THOP1: variants seen among roughly 807,000 people sequenced by gnomAD.
THOP1 encodes thimet oligopeptidase.
In THOP1, 49 loss-of-function variants were observed where a neutral mutation model predicts 71.8. The ratio of observed to expected loss-of-function variants is 0.68; its 90% CI spans 0.54 to 0.87. The LOEUF (loss-of-function observed/expected upper bound fraction) is 0.87, where lower values mean the gene tolerates loss of function less well. Ranked by LOEUF, THOP1 falls within the 40% of genes least tolerant of loss-of-function variation. The probability of loss-of-function intolerance (pLI) is 0.00; values close to 1 mark genes in which losing one functional copy is unlikely to be tolerated. For synonymous variants in THOP1, 426 were observed against 421.5 expected, an observed-to-expected ratio of 1.01 and a Z score of -0.13; for missense variants, 843 against 975.6, an observed-to-expected ratio of 0.86 and a Z score of 1.81.
chr19:2,793,430 GC>G (rs1915932047), intron 2 of THOP1, among the ~76,000 whole-genome samples: 1 of 152,196 alleles, frequency 6.6e-6, no homozygotes, highest in Non-Finnish European at 1.5e-5. Context: ...AGTGGCTCAT[GC>G]CTGTAATCCC....
intron 1 of THOP1, among the ~76,000 whole-genome samples, chr19:2,788,087 G>A (rs995186701): frequency 6.6e-6 from 1 of 152,230 alleles, no homozygotes; most frequent in African/African-American, 2.4e-5. Flanking sequence ...AGCATGGTCT[G>A]TAATAACAGC....
In THOP1 at chr19:2,805,758, G is replaced by A. The variant is rs910967245; in HGVS notation, c.750+582G>A. The stretch of plus-strand genomic sequence containing the variant: ...ACGACACCAAGTTGGTGCTTGTGCG[G>A]CTGGCAAAAGGGGGATACACGCTGA... On this transcript the variant is annotated intron_variant, in intron 6 of 12. Coordinates refer to ENST00000307741, the MANE Select transcript of THOP1 (RefSeq NM_003249.5). The surrounding 1 kb of genome is among the most constrained non-coding windows in gnomAD (Gnocchi z 6.6). Among the ~76,000 whole-genome samples the A allele has an allele frequency of 3.9e-5, 6 of 152,170 alleles. No individual in the cohort carries two copies. Among genetic ancestry groups the A allele is most frequent in the African/African-American group, 1.4e-4 (6 of 41,442 alleles).
chr19:2,793,706 C>T (rs1425448329), intron 2 of THOP1, among the ~76,000 whole-genome samples: 1 of 152,146 alleles, frequency 6.6e-6, no homozygotes, highest in Non-Finnish European at 1.5e-5. Context: ...AAACAAATGG[C>T]ATCACACACT....
intron 5 of THOP1, among the ~76,000 whole-genome samples, chr19:2,800,445 G>T (rs1916119351): frequency 6.6e-6 from 1 of 152,240 alleles, no homozygotes; most frequent in Non-Finnish European, 1.5e-5. Context: ...ACCTCCCAAA[G>T]TTCTGGGATT....
chr19:2,794,702 A>G (rs1319253523), intron 2 of THOP1, 62 bp from the exon 3 acceptor site: 34 of 1,565,178 alleles, frequency 2.2e-5, no homozygotes, highest in Non-Finnish European at 2.1e-5. Context: ...GGTCCGGGCA[A>G]CACCTGCCAG....
Position 2,810,623 on chromosome 19 carries a change from C to G in THOP1, c.1643-17C>G. Reference sequence around the variant, plus strand: ...GGGCAGGTGCAGAGGCCAGCTCTCTCCTTCCCTCCCGCCCAGGCCTCTTCA... The same window carrying G: ...GGGCAGGTGCAGAGGCCAGCTCTCTGCTTCCCTCCCGCCCAGGCCTCTTCA... On this transcript the variant is annotated splice_polypyrimidine_tract_variant and intron_variant, in intron 10 of 12. Coordinates refer to ENST00000307741, the MANE Select transcript of THOP1 (RefSeq NM_003249.5). 1 of 1,547,970 alleles carries G rather than the reference C, an allele frequency of 6.5e-7. No homozygotes were observed. Among genetic ancestry groups the G allele is most frequent in the Non-Finnish European group, 8.7e-7 (1 of 1,146,050 alleles).
In THOP1 at chr19:2,801,493, C is replaced by G. The variant is rs762711035; in HGVS notation, c.589+1702C>G. Among the ~76,000 whole-genome samples, 1 of 152,272 alleles carries G rather than the reference C, an allele frequency of 6.6e-6. No homozygotes were observed. Among genetic ancestry groups the G allele is most frequent in the Middle Eastern group, 3.4e-3 (1 of 294 alleles). On this transcript the variant is annotated intron_variant, in intron 5 of 12. Transcript: ENST00000307741. The surrounding 1 kb of genome is among the most constrained non-coding windows in gnomAD (Gnocchi z 5.1). Reference sequence around the variant, plus strand: ...GTGACACCGTCATGCGGGTGGCTAGCGTGTTGGGTGACAGTCTCCAGGGCT... The same window carrying G: ...GTGACACCGTCATGCGGGTGGCTAGGGTGTTGGGTGACAGTCTCCAGGGCT...
chr19:2,812,032 T>C, intron 12 of THOP1: 1 of 1,062,468 alleles, frequency 9.4e-7, no homozygotes, highest in Non-Finnish European at 1.3e-6. Flanking sequence ...TGCAGGAAGC[T>C]CCACACTGGC....
intron 1 of THOP1, chr19:2,789,894 A>G (rs1301036408): frequency 6.3e-6 from 1 of 159,364 alleles, no homozygotes; most frequent in Non-Finnish European, 1.4e-5. Context: ...CTGGGATTAC[A>G]GGCATGCGTG....
In THOP1 at chr19:2,811,725, G is replaced by C; in HGVS notation, c.1899G>C (p.Leu633=). The C allele has an allele frequency of 1.2e-6, 2 of 1,610,182 alleles. No homozygotes were observed. The highest frequency in any genetic ancestry group is 2.2e-5 in the South Asian group (2 of 91,058). ...FHTRFKQEGV[L]NSKVGMDYRS... is the part of the protein sequence containing the mutation. ...CGCGCTTCAAGCAGGAGGGTGTCCT[G>C]AACAGCAAGGTACGCGGGGACTGGG... Residue 633 remains leucine (L), a synonymous_variant, in exon 12 of 13, where the codon CTG becomes CTC. Coordinates refer to ENST00000307741, the MANE Select transcript of THOP1 (RefSeq NM_003249.5).
chr19:2,807,208 C>A (rs543182816), intron 7 of THOP1, among the ~76,000 whole-genome samples, 156 bp downstream of exon 7: 3 of 152,310 alleles, frequency 2.0e-5, no homozygotes, highest in African/African-American at 7.2e-5. Context: ...CCCCGAGGGA[C>A]CCTTACAGAA....
rs1916263606 is a variant in THOP1, at chr19:2,805,281, C to T, written c.750+105C>T. The T allele has an allele frequency of 1.5e-6, 2 of 1,326,216 alleles. No individual in the cohort carries two copies. Among genetic ancestry groups the T allele is most frequent in the Non-Finnish European group, 1.0e-6 (1 of 988,310 alleles). 82.2% of individuals were successfully genotyped at this position (1,326,216 alleles called of 1,614,324 possible). On this transcript the variant is annotated intron_variant, in intron 6 of 12. Transcript: ENST00000307741. The surrounding 1 kb of genome is among the most constrained non-coding windows in gnomAD (Gnocchi z 6.6). ...CCTCCAGGCTTTGCACTTGGATGGC[C>T]TCCCAATCTCCCTGGCCAGGCCCAG...
At chr19:2,811,854 G>T (rs1599534385) in intron 12 of THOP1, 120 bp downstream of exon 12, 1 of 1,318,992 alleles carries the variant, frequency 7.6e-7, no homozygotes, top group Non-Finnish European at 9.8e-7. Context: ...AGGGCGTCCT[G>T]AACGGCAAGG....
At chr19:2,795,039 G>A in intron 3 of THOP1, 127 bp downstream of exon 3, 2 of 1,146,030 alleles carry the variant, frequency 1.7e-6, no homozygotes, top group Non-Finnish European at 2.4e-6. Context: ...GGTCAGGCTA[G>A]TCTCGAACTC....
At chr19:2,788,909 C>G (rs1414622235) in intron 1 of THOP1, among the ~76,000 whole-genome samples, 1 of 151,108 alleles carries the variant, frequency 6.6e-6, no homozygotes, top group East Asian at 2.0e-4. Flanking sequence ...TACAAGCCCG[C>G]ACCACCACAC....
chr19:2,789,436 A>T (rs1314100965), intron 1 of THOP1, among the ~76,000 whole-genome samples: 1 of 152,066 alleles, frequency 6.6e-6, no homozygotes, highest in East Asian at 1.9e-4. Flanking sequence ...TTTCTCAGAG[A>T]GGCCCTGGTG....
At chr19:2,810,115 C>G in intron 9 of THOP1, 189 bp from the exon 10 acceptor site, 1 of 695,688 alleles carries the variant, frequency 1.4e-6, no homozygotes. Flanking sequence ...CCTGCTGCCA[C>G]CGGCAGCCAG....
At chr19:2,806,784 C>T (rs1916301731) in intron 6 of THOP1, 133 bp from the exon 7 acceptor site, 5 of 1,491,524 alleles carry the variant, frequency 3.4e-6, no homozygotes, top group Admixed American at 2.2e-5. Flanking sequence ...TGTAGTAACA[C>T]AGGCCGAGAG....
intron 2 of THOP1, among the ~76,000 whole-genome samples, chr19:2,792,622 T>A (rs759069): frequency 0.44 from 67,060 of 151,608 alleles, 15,572 homozygotes; most frequent in East Asian, 0.63. Context: ...TGCTTTTTTT[T>A]AAAAAAAATT....
Sources: allele counts gnomAD v4.1 joint callset (sites outside exome capture counted in the v4.1 genomes callset), GRCh38; gene constraint gnomAD v4.1.1; non-coding constraint Gnocchi (gnomAD v3.1); transcripts MANE v1.5; gene names NCBI Gene and HGNC (gene_info 2026-07-23, HGNC 2026-07-21).